The following CSMD1 variants were observed in gnomAD, a reference collection of about 807,000 sequenced individuals.
The protein encoded by CSMD1 is CUB and sushi domain-containing protein 1.
A neutral mutation model predicts 417.5 loss-of-function variants in CSMD1; 213 were observed. That is an observed-to-expected ratio of 0.51 (90% CI 0.46 to 0.57). The LOEUF (loss-of-function observed/expected upper bound fraction) is 0.57, where lower values mean the gene tolerates loss of function less well. Among genes scored for constraint, CSMD1 ranks in the 20% least tolerant of loss-of-function variants. The pLI is 0.00. For missense variants in CSMD1, 6,923 were observed against 4,529.7 expected, an observed-to-expected ratio of 1.53 and a Z score of -15.17; for synonymous variants, 2,862 against 1,736.8, an observed-to-expected ratio of 1.65 and a Z score of -16.11.
chr8:4,071,470 A>G (rs1445738682), intron 3 of CSMD1, among the ~76,000 whole-genome samples: 1 of 151,612 alleles, frequency 6.6e-6, no homozygotes, highest in African/African-American at 2.4e-5. Context: ...TTTTTTCCTG[A>G]TATTTCTAAC....
intron 69 of CSMD1, among the ~76,000 whole-genome samples, chr8:2,941,890 GT>G (rs1414872034): frequency 6.6e-6 from 1 of 152,128 alleles, no homozygotes; most frequent in African/African-American, 2.4e-5. Context: ...GGTTCTCATC[GT>G]TGGCCATGGA....
chr8:3,439,566 C>G (rs893143561), intron 12 of CSMD1, among the ~76,000 whole-genome samples: 1 of 149,644 alleles, frequency 6.7e-6, no homozygotes, highest in Non-Finnish European at 1.5e-5. Flanking sequence ...TTATCAGATA[C>G]GTGGTTTGAA....
At chr8:4,758,977 G>T (rs908386351) in intron 1 of CSMD1, among the ~76,000 whole-genome samples, 1 of 150,608 alleles carries the variant, frequency 6.6e-6, no homozygotes, top group Non-Finnish European at 1.5e-5. Context: ...AGAGTGAAGT[G>T]CATTGCATGA....
chr8:4,798,095 G>A (rs1798079001), intron 1 of CSMD1, among the ~76,000 whole-genome samples: 6 of 152,172 alleles, frequency 3.9e-5, no homozygotes, highest in Admixed American at 2.6e-4. Context: ...AATGTGCCAT[G>A]TTGGCATGCT....
chr8:3,311,722 T>C (rs942006521), intron 23 of CSMD1, among the ~76,000 whole-genome samples: 2 of 152,210 alleles, frequency 1.3e-5, no homozygotes, highest in African/African-American at 2.4e-5. Context: ...TGAACCATCA[T>C]AAGTTGTGGG....
At chr8:4,170,414 A>C (rs1443796786) in intron 3 of CSMD1, among the ~76,000 whole-genome samples, 15 of 152,078 alleles carry the variant, frequency 9.9e-5, no homozygotes, top group Non-Finnish European at 2.1e-4. Context: ...ATATGCATGT[A>C]TACCTTGAAT....
intron 2 of CSMD1, among the ~76,000 whole-genome samples, chr8:4,450,265 A>G (rs1002609404): frequency 6.6e-6 from 1 of 152,214 alleles, no homozygotes; most frequent in Non-Finnish European, 1.5e-5. Flanking sequence ...GATCTTCAGG[A>G]GCACACAACA....
intron 3 of CSMD1, among the ~76,000 whole-genome samples, chr8:4,282,814 T>C (rs1796860001): frequency 6.6e-6 from 1 of 152,176 alleles, no homozygotes; most frequent in Non-Finnish European, 1.5e-5. Flanking sequence ...GTCGGGTATA[T>C]ATCAGATTCA....
intron 3 of CSMD1, among the ~76,000 whole-genome samples, chr8:4,161,628 C>CAA: frequency 6.6e-6 from 1 of 152,128 alleles, no homozygotes. Flanking sequence ...TTTAAAATGT[C>CAA]AAAAGTTTAA....
chr8:4,045,376 C>T (rs1798097965), intron 3 of CSMD1, among the ~76,000 whole-genome samples: 1 of 152,172 alleles, frequency 6.6e-6, no homozygotes, highest in Non-Finnish European at 1.5e-5. Context: ...AGGACACTGT[C>T]ATTTAAAACA....
At chr8:3,633,051 T>C (rs1323676551) in intron 7 of CSMD1, among the ~76,000 whole-genome samples, 1 of 152,202 alleles carries the variant, frequency 6.6e-6, no homozygotes, top group Non-Finnish European at 1.5e-5. Flanking sequence ...AGTGTTAGAG[T>C]CTGCCCTGTT....
chr8:3,567,398 T>C (rs543302519), intron 10 of CSMD1, among the ~76,000 whole-genome samples: 53 of 151,564 alleles, frequency 3.5e-4, no homozygotes, highest in African/African-American at 1.3e-3. Flanking sequence ...AACCTGCATG[T>C]GTATCCCTTA....
At chr8:4,200,545 G>A (rs1212929416) in intron 3 of CSMD1, among the ~76,000 whole-genome samples, 2 of 152,016 alleles carry the variant, frequency 1.3e-5, no homozygotes, top group African/African-American at 4.8e-5. Flanking sequence ...ATAAATGCCT[G>A]CTGTGCTATC....
At chr8:3,454,903 G>C (rs552074903) in intron 12 of CSMD1, among the ~76,000 whole-genome samples, 205 of 152,348 alleles carry the variant, frequency 1.3e-3, no homozygotes, top group African/African-American at 4.6e-3. Flanking sequence ...ATCCTGCAGA[G>C]TGTTTTCCAA....
intron 10 of CSMD1, among the ~76,000 whole-genome samples, chr8:3,514,528 G>C (rs986224948): frequency 2.0e-5 from 3 of 152,162 alleles, no homozygotes; most frequent in African/African-American, 7.2e-5. Context: ...TCACTTAAAA[G>C]TAATGTTTCA....
chr8:4,427,097 C>A (rs924729788), intron 2 of CSMD1, among the ~76,000 whole-genome samples: 2 of 152,028 alleles, frequency 1.3e-5, no homozygotes, highest in Non-Finnish European at 2.9e-5. Context: ...GCTGTGGCTC[C>A]TGGGAGGTCA....
At chr8:3,692,167 C>T (rs1012703501) in intron 7 of CSMD1, among the ~76,000 whole-genome samples, 10 of 152,224 alleles carry the variant, frequency 6.6e-5, no homozygotes, top group Admixed American at 5.2e-4. Flanking sequence ...CATGGCCCTA[C>T]AACATTGTTT....
At chr8:4,747,565 C>A (rs1292543068) in intron 1 of CSMD1, among the ~76,000 whole-genome samples, 1 of 152,188 alleles carries the variant, frequency 6.6e-6, no homozygotes, top group Non-Finnish European at 1.5e-5. Context: ...CCTACGGTGA[C>A]TATATTGTCA....
chr8:3,712,369 G>A (rs1178466376), intron 6 of CSMD1, among the ~76,000 whole-genome samples: 1 of 133,548 alleles, frequency 7.5e-6, no homozygotes, highest in Non-Finnish European at 1.6e-5. Context: ...CATTTGCAAA[G>A]AAACAGGAGA....
Sources: gnomAD v4.1 joint callset for allele counts (sites outside exome capture counted in the v4.1 genomes callset) on GRCh38, gnomAD v4.1.1 for gene constraint, MANE v1.5 for transcripts, NCBI Gene and HGNC (gene_info 2026-07-23, HGNC 2026-07-21) for gene names.